Variants in NAALADL2 observed in about 807,000 individuals in gnomAD.
NAALADL2 encodes the protein N-acetylated alpha-linked acidic dipeptidase like 2.
Under a neutral mutation model 87.2 loss-of-function variants are expected in NAALADL2, and 76 were observed. The ratio of observed to expected loss-of-function variants is 0.87; its 90% CI spans 0.72 to 1.05. The LOEUF is 1.05. NAALADL2 is among the 50% of genes least tolerant of loss of function. The probability of loss-of-function intolerance (pLI) is 0.00; values close to 1 mark genes in which losing one functional copy is unlikely to be tolerated. For synonymous variants in NAALADL2, 354 were observed against 331.0 expected, an observed-to-expected ratio of 1.07 and a Z score of -0.75; for missense variants, 1,089 against 945.8, an observed-to-expected ratio of 1.15 and a Z score of -1.99.
chr3:175,216,653 CT>C (rs752630220), intron 2 of NAALADL2, among the ~76,000 whole-genome samples: 38 of 84,274 alleles, frequency 4.5e-4, no homozygotes, highest in South Asian at 1.3e-3. Context: ...AATTTTTTTT[CT>C]TTTTTTTTCT....
At chr3:175,520,879 CA>C (rs973132956) in intron 9 of NAALADL2, among the ~76,000 whole-genome samples, 23 of 151,772 alleles carry the variant, frequency 1.5e-4, no homozygotes, top group African/African-American at 5.6e-4. Flanking sequence ...TATAGATGTC[CA>C]AAAGAAAGAA....
intron 2 of NAALADL2, among the ~76,000 whole-genome samples, chr3:174,617,069 T>G (rs1174080461): frequency 6.6e-6 from 1 of 151,780 alleles, no homozygotes; most frequent in East Asian, 1.9e-4. Flanking sequence ...GTATGGGTAT[T>G]AAATACCCTG....
chr3:175,722,378 C>T (rs1055248403), intron 11 of NAALADL2, among the ~76,000 whole-genome samples: 8 of 152,062 alleles, frequency 5.3e-5, no homozygotes, highest in African/African-American at 1.9e-4. Flanking sequence ...CCATGAATGA[C>T]ATAGTACACA....
intron 2 of NAALADL2, among the ~76,000 whole-genome samples, chr3:174,674,035 A>G (rs1726813703): frequency 6.6e-6 from 1 of 152,006 alleles, no homozygotes; most frequent in Non-Finnish European, 1.5e-5. Context: ...GGTTTAATTC[A>G]CTTACAGCTC....
chr3:174,611,441 A>T (rs1336625319), intron 2 of NAALADL2, among the ~76,000 whole-genome samples: 1 of 152,046 alleles, frequency 6.6e-6, no homozygotes. Context: ...TATGTCTTTA[A>T]AAGTTGTCCA....
Position 174,611,620 on chromosome 3 carries a change from C to T in NAALADL2, c.-115+60983C>T, listed in dbSNP as rs540528420. ...TCTTTTTTCTTTTTTGAGACGGAGT[C>T]TTGCTCCATCACCCAGGCTGGAGAG... On this transcript the variant is annotated intron_variant, in intron 2 of 3. Coordinates refer to the NAALADL2 transcript ENST00000434257. Among the ~76,000 whole-genome samples, 239 of 152,220 alleles carry T rather than the reference C, an allele frequency of 1.6e-3. 2 individuals carry two copies. The highest frequency in any genetic ancestry group is 5.7e-3 in the African/African-American group (235 of 41,536).
intron 1 of NAALADL2, among the ~76,000 whole-genome samples, chr3:175,046,907 A>G (rs939863605): frequency 2.0e-4 from 30 of 152,172 alleles, no homozygotes; most frequent in Non-Finnish European, 7.4e-5. Flanking sequence ...TATCACATAA[A>G]CAATGGAAAT....
chr3:175,038,618 A>G (rs573979959), intron 1 of NAALADL2, among the ~76,000 whole-genome samples: 2 of 152,196 alleles, frequency 1.3e-5, no homozygotes, highest in African/African-American at 2.4e-5. Context: ...TTTAGTTTCA[A>G]TAATTCTTAA....
intron 4 of NAALADL2, among the ~76,000 whole-genome samples, chr3:175,274,713 T>C (rs1305286578): frequency 6.6e-6 from 1 of 152,182 alleles, no homozygotes; most frequent in Non-Finnish European, 1.5e-5. Flanking sequence ...TTTGTAAAAT[T>C]AATATAATAA....
At position 174,957,521 on chromosome 3, in the gene NAALADL2, C is replaced by G. The variant is rs1741325051; in HGVS notation, c.43+98071C>G. Among the ~76,000 whole-genome samples, 3 of 151,994 alleles carry G rather than the reference C, an allele frequency of 2.0e-5. No homozygotes were observed. The South Asian group carries it at 6.2e-4, about 32-fold the overall frequency. ...TTATACAATTCCAAAGCAACCTAAG[C>G]TGTGGGGGTATATCCCGGATAGCTT... is the stretch of plus-strand genomic sequence containing the variant. On this transcript the variant is annotated intron_variant, in intron 1 of 13. Coordinates refer to ENST00000454872, the MANE Select transcript of NAALADL2 (RefSeq NM_207015.3).
chr3:175,674,902 T>A (rs1734555750), intron 11 of NAALADL2, among the ~76,000 whole-genome samples: 1 of 152,172 alleles, frequency 6.6e-6, no homozygotes, highest in African/African-American at 2.4e-5. Context: ...AGATTAAAAA[T>A]TACTTTTGTA....
intron 1 of NAALADL2, among the ~76,000 whole-genome samples, chr3:174,504,261 G>A (rs1719075876): frequency 6.6e-6 from 1 of 152,110 alleles, no homozygotes; most frequent in Non-Finnish European, 1.5e-5. Flanking sequence ...TAGAGGAACA[G>A]AATATTTATT....
chr3:174,455,249 CA>C (rs1388102549), intron 1 of NAALADL2, among the ~76,000 whole-genome samples: 3 of 152,036 alleles, frequency 2.0e-5, no homozygotes, highest in Admixed American at 6.6e-5. Flanking sequence ...GCCTACCAAA[CA>C]AACAAAAATT....
chr3:175,376,729 G>A (rs1479785484), intron 5 of NAALADL2, among the ~76,000 whole-genome samples: 2 of 152,132 alleles, frequency 1.3e-5, no homozygotes, highest in East Asian at 1.9e-4. Flanking sequence ...TTGAAAGTCT[G>A]GTACTAAGTT....
chr3:175,766,737 T>C (rs1748739954), intron 13 of NAALADL2, among the ~76,000 whole-genome samples: 1 of 152,206 alleles, frequency 6.6e-6, no homozygotes, highest in Non-Finnish European at 1.5e-5. Context: ...GTATTTTCTT[T>C]GTACTGAAGC....
rs182575410 is a variant in NAALADL2, at chr3:175,103,367, T to C, written c.545+6076T>C. Among the ~76,000 whole-genome samples the C allele has an allele frequency of 6.7e-4, 102 of 152,278 alleles. 1 individual carries two copies. Among genetic ancestry groups the C allele is most frequent in the Middle Eastern group, 3.4e-3 (1 of 292 alleles). On this transcript the variant is annotated intron_variant, in intron 2 of 13. Coordinates refer to ENST00000454872, the MANE Select transcript of NAALADL2 (RefSeq NM_207015.3). ...CCTTTCAGCAACTAAATAGTATATT[T>C]AGTTATCTTATGTGTAATATGGGTG...
chr3:174,830,958 G>C (rs1456257205), intron 3 of NAALADL2, among the ~76,000 whole-genome samples: 1 of 149,980 alleles, frequency 6.7e-6, no homozygotes, highest in Non-Finnish European at 1.5e-5. Context: ...CATTGATTTT[G>C]TATCCTGAGA....
chr3:175,602,471 G>T (rs114919207), intron 10 of NAALADL2, among the ~76,000 whole-genome samples: 3,533 of 112,258 alleles, frequency 0.031, 111 homozygotes, highest in African/African-American at 0.092. Flanking sequence ...TATATATAGA[G>T]AGAGAGAGAG....
chr3:174,985,172 C>G (rs1163901408), intron 1 of NAALADL2, among the ~76,000 whole-genome samples: 1 of 152,100 alleles, frequency 6.6e-6, no homozygotes, highest in South Asian at 2.1e-4. Flanking sequence ...TATTCATACT[C>G]AAACTAAAAT....
Sources: allele counts gnomAD v4.1 joint callset (sites outside exome capture counted in the v4.1 genomes callset), GRCh38; gene constraint gnomAD v4.1.1; transcripts MANE v1.5; gene names NCBI Gene and HGNC (gene_info 2026-07-23, HGNC 2026-07-21).